The following PLXNA2 variants were observed in gnomAD, a reference collection of about 807,000 sequenced individuals.
PLXNA2 encodes plexin-A2.
Under a neutral mutation model 193.5 loss-of-function variants are expected in PLXNA2, and 91 were observed. That is an observed-to-expected ratio of 0.47 (90% CI 0.40 to 0.56). The LOEUF (loss-of-function observed/expected upper bound fraction) is 0.56. Among genes scored for constraint, PLXNA2 ranks in the 20% least tolerant of loss-of-function variants. The pLI is 0.00. For missense variants in PLXNA2, 1,995 were observed against 2,503.2 expected (o/e 0.80, Z 4.33); for synonymous variants, 997 against 1,027.3 (o/e 0.97, Z 0.56).
At chr1:208,154,250 C>T (rs1304778195) in intron 3 of PLXNA2, among the ~76,000 whole-genome samples, 3 of 151,716 alleles carry the variant, frequency 2.0e-5, no homozygotes, top group African/African-American at 7.3e-5. Flanking sequence ...TACAGTACAG[C>T]AGGTGCCCGG....
chr1:208,022,490 A>T lies in PLXNA2; in HGVS notation c.*4753T>A, dbSNP rs1664211355. 6.6e-6 allele frequency: 1 copy of T among 152,610 alleles called. No homozygotes were observed. The highest frequency in any genetic ancestry group is 1.5e-5 in the Non-Finnish European group (1 of 68,044). 9.5% of individuals were successfully genotyped at this position (152,610 alleles called of 1,614,324 possible). On this transcript the variant is annotated 3_prime_UTR_variant, in exon 32 of 32. Coordinates refer to ENST00000367033, the MANE Select transcript of PLXNA2 (RefSeq NM_025179.4). ...ACAACCATCATTGTATTTTCTTAAA[A>T]ATATATATAATACAGATTCCAGTGT...
At chr1:208,221,358 G>GTCAGGAGCTTTT (rs1671326787) in intron 1 of PLXNA2, among the ~76,000 whole-genome samples, 2 of 146,128 alleles carry the variant, frequency 1.4e-5, no homozygotes, top group Admixed American at 1.4e-4. Flanking sequence ...GGCTGATTAG[G>GTCAGGAGCTTTT]TCAGGAGCTT....
chr1:208,037,512 G>A (rs968982689), intron 26 of PLXNA2, among the ~76,000 whole-genome samples: 1 of 152,122 alleles, frequency 6.6e-6, no homozygotes, highest in African/African-American at 2.4e-5. Context: ...TTAATCAGAC[G>A]ATCCCACGGG....
intron 3 of PLXNA2, among the ~76,000 whole-genome samples, chr1:208,208,690 T>C (rs1039759098): frequency 4.6e-5 from 7 of 152,198 alleles, no homozygotes; most frequent in Non-Finnish European, 8.8e-5. Flanking sequence ...TGGTTTCTGC[T>C]GGCCCTTAGA....
At chr1:208,119,562 AAG>A (rs1328805038) in intron 4 of PLXNA2, among the ~76,000 whole-genome samples, 1 of 152,196 alleles carries the variant, frequency 6.6e-6, no homozygotes, top group Non-Finnish European at 1.5e-5. Flanking sequence ...TCATCACAGA[AAG>A]AGACCAAGAG....
chr1:208,152,370 G>C (rs1193095097), intron 3 of PLXNA2, among the ~76,000 whole-genome samples: 1 of 152,144 alleles, frequency 6.6e-6, no homozygotes, highest in Non-Finnish European at 1.5e-5. Flanking sequence ...TCTTCCCATT[G>C]CTAGTGCGCT....
intron 4 of PLXNA2, among the ~76,000 whole-genome samples, chr1:208,118,917 T>G (rs566278265): frequency 1.3e-5 from 2 of 152,178 alleles, no homozygotes; most frequent in African/African-American, 2.4e-5. Context: ...ACTGAACACT[T>G]AGCATCGAGC....
intron 10 of PLXNA2, among the ~76,000 whole-genome samples, chr1:208,083,057 A>G (rs1666398168): frequency 6.6e-6 from 1 of 152,130 alleles, no homozygotes; most frequent in Admixed American, 6.5e-5. Flanking sequence ...ATGCCCTCTT[A>G]CTACTCTTGT....
chr1:208,123,821 T>C (rs1667881351), intron 4 of PLXNA2, among the ~76,000 whole-genome samples: 1 of 152,194 alleles, frequency 6.6e-6, no homozygotes, highest in Admixed American at 6.5e-5. Flanking sequence ...CTAATCTGGA[T>C]TGAAAAGGAC....
chr1:208,124,681 A>C (rs1433827924), intron 4 of PLXNA2, among the ~76,000 whole-genome samples: 5 of 56,070 alleles, frequency 8.9e-5, no homozygotes, highest in Non-Finnish European at 2.2e-4. Context: ...CTCCGTCTCA[A>C]AAAAAAAAAA....
At chr1:208,085,757 C>G (rs1177387291) in intron 9 of PLXNA2, among the ~76,000 whole-genome samples, 2 of 152,182 alleles carry the variant, frequency 1.3e-5, no homozygotes, top group Non-Finnish European at 2.9e-5. Context: ...TCCCTCTGAA[C>G]TCTGTGGTTC....
intron 8 of PLXNA2, among the ~76,000 whole-genome samples, chr1:208,095,597 G>A (rs74944320): frequency 0.044 from 6,682 of 152,172 alleles, 272 homozygotes; most frequent in East Asian, 0.17. Flanking sequence ...CTCCTCCTCT[G>A]TGGGTGACTG....
chr1:208,027,494 G>GCA (rs1664377418), intron 31 of PLXNA2, among the ~76,000 whole-genome samples, 156 bp from the exon 32 acceptor site: 1 of 152,128 alleles, frequency 6.6e-6, no homozygotes, highest in Non-Finnish European at 1.5e-5. Context: ...ATGAATACAT[G>GCA]CACACACACC....
intron 9 of PLXNA2, among the ~76,000 whole-genome samples, chr1:208,087,439 T>G (rs537667646): frequency 1.3e-5 from 2 of 152,078 alleles, no homozygotes; most frequent in East Asian, 3.9e-4. Flanking sequence ...TTAGGAAATT[T>G]CCCATGGTCT....
rs147629478 is a variant in PLXNA2 at position 208,052,460 on chromosome 1, G to A, written c.2860C>T (p.Pro954Ser). The A allele has an allele frequency of 2.5e-6, 4 of 1,613,880 alleles. No homozygotes were observed. The highest frequency in any genetic ancestry group is 1.1e-5 in the South Asian group (1 of 91,014). ...ATTGGGTTGAGTGACAGCACAGAAG[G>A]GTTCTTTGGAAAGAAGCAGAGAAAT... ...KSHQQYTFVN[P>S]SVLSLNPIRG... The change falls in exon 15 of 32, where the codon CCT becomes TCT. Residue 954 changes from proline to serine, a missense_variant. Coordinates refer to ENST00000367033, the MANE Select transcript of PLXNA2 (RefSeq NM_025179.4).
intron 1 of PLXNA2, among the ~76,000 whole-genome samples, chr1:208,242,248 A>G (rs1672080413): frequency 6.6e-6 from 1 of 152,112 alleles, no homozygotes; most frequent in African/African-American, 2.4e-5. Flanking sequence ...AGATCTGGGA[A>G]AGAAGCCCAG....
At chr1:208,202,568 T>C (rs986966955) in intron 3 of PLXNA2, among the ~76,000 whole-genome samples, 12 of 152,160 alleles carry the variant, frequency 7.9e-5, no homozygotes, top group African/African-American at 2.9e-4. Context: ...CCAGGTGGTC[T>C]TTGTAAGTCC....
intron 1 of PLXNA2, among the ~76,000 whole-genome samples, chr1:208,237,988 T>C (rs550333213): frequency 3.9e-5 from 6 of 152,352 alleles, no homozygotes; most frequent in African/African-American, 1.4e-4. Flanking sequence ...TTCAGTGTCA[T>C]CCTATTTGGT....
chr1:208,215,006 T>C (rs1572040652), intron 2 of PLXNA2, among the ~76,000 whole-genome samples: 1 of 152,034 alleles, frequency 6.6e-6, no homozygotes, highest in East Asian at 1.9e-4. Flanking sequence ...TCTGTGAGAC[T>C]AGTGATCATG....
Sources: allele counts gnomAD v4.1 joint callset (sites outside exome capture counted in the v4.1 genomes callset), GRCh38; gene constraint gnomAD v4.1.1; transcripts MANE v1.5; gene names NCBI Gene and HGNC (gene_info 2026-07-23, HGNC 2026-07-21).